FSTL3: variants seen among roughly 807,000 people sequenced by gnomAD.
The protein encoded by FSTL3 is follistatin-related protein 3.
A neutral mutation model predicts 28.1 loss-of-function variants in FSTL3; 21 were observed. The observed-to-expected ratio is 0.75, with a 90% CI of 0.53 to 1.08. The LOEUF (loss-of-function observed/expected upper bound fraction) is 1.08. Among genes scored for constraint, FSTL3 ranks in the 50% least tolerant of loss-of-function variants. FSTL3 has a pLI of 0.00. For missense variants in FSTL3, 400 were observed against 380.9 expected (o/e 1.05, Z -0.42); for synonymous variants, 199 against 164.2 (o/e 1.21, Z -1.62).
chr19:680,044 C>T (rs2031294141), intron 2 of FSTL3: 1 of 269,558 alleles, frequency 3.7e-6, no homozygotes, highest in Admixed American at 5.3e-5. Context: ...CCAGCCCCCG[C>T]CCCCCAGCGC....
chr19:682,409 C>T lies in FSTL3; in HGVS notation c.*701C>T, dbSNP rs184349924. 17 of 235,082 alleles carry T rather than the reference C, an allele frequency of 7.2e-5. No individual in the cohort carries two copies. Among genetic ancestry groups the T allele is most frequent in the Middle Eastern group, 1.2e-3 (1 of 804 alleles). 14.6% of individuals were successfully genotyped at this position (235,082 alleles called of 1,614,324 possible). On this transcript the variant is annotated 3_prime_UTR_variant, in exon 5 of 5. Coordinates refer to ENST00000166139, the MANE Select transcript of FSTL3 (RefSeq NM_005860.3). ...GCCTGGGTGAGTATGGAGGGTCTAG[C>T]CTGGGTGTGTACGGAGGGTCTAGTC...
intron 2 of FSTL3, chr19:678,209 G>A: frequency 1.8e-6 from 1 of 540,922 alleles, no homozygotes; most frequent in Non-Finnish European, 3.3e-6. Flanking sequence ...GCCTTTGCTG[G>A]GGCTGAGCTC....
At chr19:680,842 A>G in intron 3 of FSTL3, 1 of 244,520 alleles carries the variant, frequency 4.1e-6, no homozygotes, top group Non-Finnish European at 7.9e-6. Flanking sequence ...TGGGATTTGG[A>G]AAATAGTGGG....
At position 677,783 on chromosome 19, in the gene FSTL3, G is replaced by A; in HGVS notation, c.104-9G>A. ...GGCCCAGGAGAGCACCCCGTTCCCC[G>A]GCCCGCAGGTGGTGTTTGCTGGCTC... On this transcript the variant is annotated splice_polypyrimidine_tract_variant and intron_variant, in intron 1 of 4. Coordinates refer to ENST00000166139, the MANE Select transcript of FSTL3 (RefSeq NM_005860.3). 3.1e-6 allele frequency: 5 copies of A among 1,601,736 alleles called. No homozygotes were observed. Among genetic ancestry groups the A allele is most frequent in the South Asian group, 1.1e-5 (1 of 90,514 alleles).
chr19:681,653 C>A lies in FSTL3; in HGVS notation c.737C>A (p.Thr246Asn), dbSNP rs748048439. The A allele has an allele frequency of 8.2e-6, 13 of 1,578,702 alleles. No homozygotes were observed. The highest frequency in any genetic ancestry group is 7.3e-5 in the Admixed American group (4 of 54,434). The change falls in exon 5 of 5, where the codon ACC becomes AAC. Residue 246 changes from threonine (T) to asparagine (N), a missense_variant. Physicochemically the swap from Thr to Asn is moderately conservative, Grantham distance 65. Coordinates refer to ENST00000166139, the MANE Select transcript of FSTL3 (RefSeq NM_005860.3). ...GVRHAGSCAG[T>N]PEEPPGGESA... ...ATGCTCTTATCGACCCTTGCAGGCA[C>A]CCCTGAGGAGCCGCCAGGTGGTGAG...
rs1194802060 is a variant in FSTL3, at chr19:680,389, C to T, written c.405C>T (p.Cys135=). The change falls in exon 3 of 5, where the codon TGC becomes TGT. Residue 135 remains cysteine, a synonymous_variant. Transcript: ENST00000166139. The part of the protein sequence containing the change: ...CSGLPARLQV[C]GSDGATYRDE... ...GGCTCCCGGCGCGGCTGCAGGTCTG[C>T]GGCTCAGACGGCGCCACCTACCGCG... 4 of 1,276,932 alleles carry T rather than the reference C, an allele frequency of 3.1e-6. No individual in the cohort carries two copies. The highest frequency in any genetic ancestry group is 2.6e-5 in the South Asian group (1 of 37,822). 79.1% of individuals were successfully genotyped at this position (1,276,932 alleles called of 1,614,324 possible).
chr19:676,627 G>C (rs1261502428), intron 1 of FSTL3, 101 bp downstream of exon 1: 28 of 324,734 alleles, frequency 8.6e-5, no homozygotes, highest in South Asian at 1.3e-4. Context: ...GCGGCGGCGG[G>C]GGCGAGGGCG....
intron 1 of FSTL3, among the ~76,000 whole-genome samples, chr19:676,836 A>G (rs1389991751): frequency 6.6e-6 from 1 of 152,290 alleles, no homozygotes; most frequent in African/African-American, 2.4e-5. Context: ...ACTGAGGCTC[A>G]GGGTCACACA....
chr19:681,196 G>GC (rs1018425440), intron 3 of FSTL3, 137 bp from the exon 4 acceptor site: 61 of 480,194 alleles, frequency 1.3e-4, no homozygotes, highest in Admixed American at 3.8e-4. Flanking sequence ...GGGGGCTCAC[G>GC]GGGGGCGGGG....
rs1383671914 is a variant in FSTL3, at chr19:682,186, GGTCT to G, written c.*479_*482del. On this transcript the variant is annotated 3_prime_UTR_variant, in exon 5 of 5. Transcript: ENST00000166139. ...GGGTCTAGCCTGGGTGAGTACGGAG[GGTCT>G]AGCCTGGGTGAGTACGGAGGGTCTA... is the stretch of plus-strand genomic sequence containing the variant. The G allele has an allele frequency of 2.2e-4, 67 of 309,686 alleles. No individual in the cohort carries two copies. Among genetic ancestry groups the G allele is most frequent in the South Asian group, 3.4e-4 (7 of 20,674 alleles). The allele number at this position is 309,686 out of a possible 1,614,324, so 19.2% of individuals were successfully genotyped here. A position where few individuals can be genotyped will look rare whatever the true frequency, so the allele number is the denominator to read the frequency against.
In FSTL3 at chr19:680,435, G is replaced by A. The variant is rs889809233; in HGVS notation, c.451G>A (p.Ala151Thr). 4.7e-6 allele frequency: 6 copies of A among 1,264,858 alleles called. No individual in the cohort carries two copies. The highest frequency in any genetic ancestry group is 4.2e-5 in the Admixed American group (1 of 23,746). The allele number at this position is 1,264,858 out of a possible 1,614,324, so 78.4% of individuals were successfully genotyped here. A position where few individuals can be genotyped will look rare whatever the true frequency, so the allele number is the denominator to read the frequency against. ...CCGCGACGAGTGCGAGCTGCGCGCC[G>A]CGCGCTGCCGCGGCCACCCGGACCT... is the stretch of plus-strand genomic sequence containing the variant. The part of the protein sequence containing the change: ...TYRDECELRA[A>T]RCRGHPDLSV... Residue 151 changes from alanine to threonine, a missense_variant, in exon 3 of 5, where the codon GCG becomes ACG. Coordinates refer to ENST00000166139, the MANE Select transcript of FSTL3 (RefSeq NM_005860.3).
intron 1 of FSTL3, among the ~76,000 whole-genome samples, chr19:676,904 CG>C (rs2031223513): frequency 1.3e-5 from 2 of 151,796 alleles, no homozygotes; most frequent in Non-Finnish European, 2.9e-5. Context: ...GTCCTGGTGC[CG>C]AGAGGTAGTG....
At position 683,035 on chromosome 19, in the gene FSTL3, C is replaced by T. The variant is rs964736500; in HGVS notation, c.*1327C>T. 6 of 232,910 alleles carry T rather than the reference C, an allele frequency of 2.6e-5. No individual in the cohort carries two copies. The highest frequency in any genetic ancestry group is 8.8e-5 in the African/African-American group (4 of 45,298). The allele number at this position is 232,910 out of a possible 1,614,324, so 14.4% of individuals were successfully genotyped here. A position where few individuals can be genotyped will look rare whatever the true frequency, so the allele number is the denominator to read the frequency against. ...GACCTGCCTCACCCACCAATGCAGC[C>T]GGGGCTGGCGACACCAGCCAGGTGC... On this transcript the variant is annotated 3_prime_UTR_variant, in exon 5 of 5. Transcript: ENST00000166139.
Position 681,470 on chromosome 19 carries a change from A to G in FSTL3, c.643A>G (p.Asn215Asp). The part of the protein sequence containing the change: ...SPGQELCGNN[N>D]VTYISSCHMR... ...CGGCCAGGAGCTTTGCGGCAACAAC[A>G]ACGTCACCTACATCTCCTCGTGCCA... Residue 215 changes from asparagine (N) to aspartate (D), a missense_variant, in exon 4 of 5, where the codon AAC becomes GAC. By Grantham distance (23) the Asn-to-Asp change is conservative. Transcript: ENST00000166139. The G allele has an allele frequency of 2.5e-6, 4 of 1,601,678 alleles. No homozygotes were observed. Among genetic ancestry groups the G allele is most frequent in the Non-Finnish European group, 2.5e-6 (3 of 1,179,658 alleles).
chr19:678,813 T>C (rs979723893), intron 2 of FSTL3, among the ~76,000 whole-genome samples: 1 of 151,980 alleles, frequency 6.6e-6, no homozygotes, highest in South Asian at 2.1e-4. Flanking sequence ...GCCTGGCCTG[T>C]TGGGGCACAT....
chr19:680,580 C>G (rs1400317922), intron 3 of FSTL3, 91 bp downstream of exon 3: 205 of 169,250 alleles, frequency 1.2e-3, no homozygotes, highest in East Asian at 4.9e-3. Flanking sequence ...TAGGCGGGGG[C>G]GGGGCCTGGG....
Position 681,918 on chromosome 19 carries a change from T to C in FSTL3, c.*210T>C. ...GGCTGGTGGGTGGGATAGACCTGCG[T>C]TCCGGACACTGAGCGCCTGATTTAG... is the stretch of plus-strand genomic sequence containing the variant. On this transcript the variant is annotated 3_prime_UTR_variant, in exon 5 of 5. Transcript: ENST00000166139. The C allele has an allele frequency of 1.7e-6, 1 of 599,896 alleles. No individual in the cohort carries two copies. The highest frequency in any genetic ancestry group is 3.0e-6 in the Non-Finnish European group (1 of 336,492). 37.2% of individuals were successfully genotyped at this position (599,896 alleles called of 1,614,324 possible).
At chr19:677,720 T>C in intron 1 of FSTL3, 72 bp from the exon 2 acceptor site, 6 of 1,406,764 alleles carry the variant, frequency 4.3e-6, no homozygotes, top group Non-Finnish European at 5.8e-6. Flanking sequence ...ACCACCTGCA[T>C]GCATCTGTGG....
At position 682,555 on chromosome 19, in the gene FSTL3, C is replaced by A. The variant is rs772880548; in HGVS notation, c.*847C>A. 2.1e-5 allele frequency: 5 copies of A among 233,920 alleles called. No homozygotes were observed. Among genetic ancestry groups the A allele is most frequent in the Non-Finnish European group, 4.2e-5 (5 of 118,494 alleles). The allele number at this position is 233,920 out of a possible 1,614,324, so 14.5% of individuals were successfully genotyped here. ...CCAAGAACTCCAGCTTCCCCACTGC[C>A]TCTGTGTGCCCCTTTGCGTCCTGTG... On this transcript the variant is annotated 3_prime_UTR_variant, in exon 5 of 5. Transcript: ENST00000166139.
Sources: allele counts gnomAD v4.1 joint callset (sites outside exome capture counted in the v4.1 genomes callset), GRCh38; gene constraint gnomAD v4.1.1; transcripts MANE v1.5; gene names NCBI Gene and HGNC (gene_info 2026-07-23, HGNC 2026-07-21).